XPO7: variants seen among roughly 807,000 people sequenced by gnomAD.
XPO7 encodes the protein exportin 7, also known as exportin-7.
In XPO7, 21 loss-of-function variants were observed where a neutral mutation model predicts 144.3. The ratio of observed to expected loss-of-function variants is 0.15; its 90% confidence interval spans 0.10 to 0.21. The LOEUF (loss-of-function observed/expected upper bound fraction) is 0.21. Among genes scored for constraint, XPO7 ranks in the 10% least tolerant of loss-of-function variants. The pLI, the probability that XPO7 is intolerant of heterozygous loss-of-function variation, is 1.00. For synonymous variants in XPO7, 580 were observed against 499.6 expected (o/e 1.16, Z -2.15); for missense variants, 808 against 1,325.8 (o/e 0.61, Z 6.06).
intron 19 of XPO7, among the ~76,000 whole-genome samples, chr8:21,993,865 G>A (rs999646180): frequency 6.6e-6 from 1 of 151,394 alleles, no homozygotes; most frequent in Admixed American, 6.6e-5. Context: ...TGGGACTTCT[G>A]TTTTTCTTTT....
At chr8:21,998,638 A>T (rs1353272992) in intron 21 of XPO7, 117 bp from the exon 22 acceptor site, 1 of 748,136 alleles carries the variant, frequency 1.3e-6, no homozygotes, top group African/African-American at 1.8e-5. Flanking sequence ...AGGATAGGCA[A>T]TTGCTTACCT....
intron 13 of XPO7, 58 bp downstream of exon 13, chr8:21,985,749 G>C: frequency 6.9e-7 from 1 of 1,444,392 alleles, no homozygotes; most frequent in Non-Finnish European, 9.7e-7. Flanking sequence ...TCCACTCCCC[G>C]ATAGGGTCCT....
intron 1 of XPO7, among the ~76,000 whole-genome samples, chr8:21,929,318 G>T (rs577738459): frequency 6.6e-6 from 1 of 152,186 alleles, no homozygotes; most frequent in African/African-American, 2.4e-5. Context: ...CTAGATCCTC[G>T]TCCTCTCAGA....
At chr8:21,920,463 C>G (rs937115800) in intron 1 of XPO7, among the ~76,000 whole-genome samples, 1 of 152,046 alleles carries the variant, frequency 6.6e-6, no homozygotes, top group African/African-American at 2.4e-5. Flanking sequence ...AGTTGAGCGC[C>G]CACACCTCCT....
At chr8:21,926,307 C>G (rs1214097388) in intron 1 of XPO7, among the ~76,000 whole-genome samples, 1 of 152,142 alleles carries the variant, frequency 6.6e-6, no homozygotes, top group East Asian at 1.9e-4. Context: ...TGGACACATG[C>G]TGATCTCATT....
chr8:21,938,298 A>G (rs896645924), intron 1 of XPO7, among the ~76,000 whole-genome samples: 2 of 152,248 alleles, frequency 1.3e-5, no homozygotes, highest in East Asian at 3.8e-4. Context: ...TTTACATAAC[A>G]TAAAACTTAA....
At chr8:21,967,147 A>AT in intron 2 of XPO7, 144 bp downstream of exon 2, 2 of 1,148,120 alleles carry the variant, frequency 1.7e-6, no homozygotes, top group African/African-American at 3.1e-5. Flanking sequence ...AAGAAGTACC[A>AT]TACCTACCAG....
At chr8:21,969,418 G>A (rs1811981997) in intron 2 of XPO7, 65 bp from the exon 3 acceptor site, 1 of 1,401,226 alleles carries the variant, frequency 7.1e-7, no homozygotes, top group Non-Finnish European at 9.9e-7. Context: ...AGATCTCCAA[G>A]TTAAAAACCT....
chr8:21,959,372 A>G (rs1811644944), intron 1 of XPO7, among the ~76,000 whole-genome samples: 1 of 152,228 alleles, frequency 6.6e-6, no homozygotes, highest in African/African-American at 2.4e-5. Flanking sequence ...GACTTTTACA[A>G]CCTTGTAAAG....
chr8:21,996,583 G>C (rs1453279795), intron 21 of XPO7, among the ~76,000 whole-genome samples: 1 of 152,072 alleles, frequency 6.6e-6, no homozygotes, highest in African/African-American at 2.4e-5. Context: ...ATAGATATTA[G>C]AATACCCTTT....
intron 15 of XPO7, among the ~76,000 whole-genome samples, 194 bp downstream of exon 15, chr8:21,988,051 A>T (rs1180929032): frequency 6.6e-6 from 1 of 152,212 alleles, no homozygotes; most frequent in African/African-American, 2.4e-5. Context: ...AGGCTTGTAC[A>T]GGCAAGGATT....
intron 10 of XPO7, 99 bp from the exon 11 acceptor site, chr8:21,982,541 T>TAA (rs5890017): frequency 1.3e-4 from 178 of 1,344,186 alleles, no homozygotes; most frequent in Middle Eastern, 2.7e-4. Flanking sequence ...CCTCTTTTTT[T>TAA]AAAAAAAAGA....
At chr8:21,971,832 A>G in intron 4 of XPO7, 44 bp from the exon 5 acceptor site, 3 of 1,558,012 alleles carry the variant, frequency 1.9e-6, no homozygotes, top group Non-Finnish European at 2.6e-6. Context: ...GCCAAAACCA[A>G]GCACACATGA....
At chr8:21,978,476 CT>C (rs1210574247) in intron 8 of XPO7, among the ~76,000 whole-genome samples, 1 of 152,192 alleles carries the variant, frequency 6.6e-6, no homozygotes, top group Non-Finnish European at 1.5e-5. Context: ...CAGTAGAGGA[CT>C]TTTCTGGCCA....
At chr8:21,988,938 C>T in intron 15 of XPO7, 65 bp from the exon 16 acceptor site, 1 of 1,478,304 alleles carries the variant, frequency 6.8e-7, no homozygotes, top group South Asian at 1.2e-5. Context: ...CTTCTTCTCC[C>T]AGCCCTCAAG....
intron 1 of XPO7, among the ~76,000 whole-genome samples, chr8:21,942,398 A>C (rs532384635): frequency 1.3e-5 from 2 of 152,348 alleles, no homozygotes; most frequent in Admixed American, 1.3e-4. Flanking sequence ...TTTAGACATT[A>C]TTGTGAGAAG....
chr8:21,993,314 G>A (rs1812829986), intron 19 of XPO7, among the ~76,000 whole-genome samples: 1 of 152,194 alleles, frequency 6.6e-6, no homozygotes, highest in Non-Finnish European at 1.5e-5. Context: ...CATGTCCCAT[G>A]TAAAGTCTTT....
Position 21,984,925 on chromosome 8 carries a change from T to G in XPO7, c.1471+86T>G, listed in dbSNP as rs1378669324. On this transcript the variant is annotated intron_variant, in intron 12 of 27. Transcript: ENST00000252512. ...CGCTCATTGCCACCTCTTTCCTACC[T>G]CCCTGCAAAAGGATTCTTTCATCAT... The G allele has an allele frequency of 2.1e-6, 3 of 1,407,006 alleles. No individual in the cohort carries two copies. In the African/African-American group the frequency reaches 4.3e-5, roughly 20 times the overall value. 87.2% of individuals were successfully genotyped at this position (1,407,006 alleles called of 1,614,324 possible). A position where few individuals can be genotyped will look rare whatever the true frequency, so the allele number is the denominator to read the frequency against.
chr8:21,972,493 C>G (rs1402329586), intron 5 of XPO7, among the ~76,000 whole-genome samples: 1 of 152,100 alleles, frequency 6.6e-6, no homozygotes, highest in African/African-American at 2.4e-5. Flanking sequence ...AAGCAAAATA[C>G]TACTGCCTTG....
Sources: allele counts gnomAD v4.1 joint callset (sites outside exome capture counted in the v4.1 genomes callset), GRCh38; gene constraint gnomAD v4.1.1; transcripts MANE v1.5; gene names NCBI Gene and HGNC (gene_info 2026-07-23, HGNC 2026-07-21).